The following RRAGB variants were observed in gnomAD, a reference collection of about 807,000 sequenced individuals.
RRAGB encodes the protein Ras related GTP binding B, also known as ras-related GTP-binding protein B.
Under a neutral mutation model 29.3 loss-of-function variants are expected in RRAGB, and 6 were observed. The observed-to-expected ratio is 0.21, with a 90% CI of 0.11 to 0.40. RRAGB has a LOEUF of 0.40. Among genes scored for constraint, RRAGB ranks in the 10% least tolerant of loss-of-function variants. The pLI, the probability that RRAGB is intolerant of heterozygous loss-of-function variation, is 1.00. For missense variants in RRAGB, 184 were observed against 272.9 expected, an observed-to-expected ratio of 0.67 and a Z score of 2.29; for synonymous variants, 101 against 92.5, an observed-to-expected ratio of 1.09 and a Z score of -0.53.
chrX:55,728,100 G>A (rs1053988364), intron 3 of RRAGB, among the ~76,000 whole-genome samples: 1 of 111,487 alleles, frequency 9.0e-6, no homozygotes, highest in Admixed American at 9.5e-5. Context: ...GTCGCAAACA[G>A]GCAGCCTATA....
chrX:55,732,115 G>A (rs780269042), intron 5 of RRAGB, among the ~76,000 whole-genome samples: 1 of 112,415 alleles, frequency 8.9e-6, no homozygotes, highest in African/African-American at 3.2e-5. Flanking sequence ...TAGCGGTGAT[G>A]TCACCAAGAT....
chrX:55,729,261 A>G (rs192324793), intron 3 of RRAGB, 33 bp from the exon 4 acceptor site: 2 of 1,046,066 alleles, frequency 1.9e-6, no homozygotes, highest in East Asian at 3.0e-5. Context: ...TTCACCTGTT[A>G]TAATTACTAG....
intron 5 of RRAGB, among the ~76,000 whole-genome samples, chrX:55,735,374 A>C (rs1452654955): frequency 8.9e-6 from 1 of 112,095 alleles, no homozygotes; most frequent in African/African-American, 3.2e-5. Flanking sequence ...TTATATAATG[A>C]CATTTTTTGT....
intron 4 of RRAGB, among the ~76,000 whole-genome samples, chrX:55,730,163 A>G (rs776266871): frequency 3.6e-5 from 4 of 112,402 alleles, no homozygotes; most frequent in Non-Finnish European, 5.6e-5. Context: ...AGCTCAGTGT[A>G]TCTCGCTCTT....
rs2034704382 is a variant in RRAGB, at chrX:55,758,162, C to G, written c.944-84C>G. 6.8e-6 allele frequency: 4 copies of G among 588,370 alleles called. No individual in the cohort carries two copies. In the East Asian group the frequency reaches 1.5e-4, roughly 21 times the overall value. 48.5% of individuals were successfully genotyped at this position (588,370 alleles called of 1,213,427 possible). A position where few individuals can be genotyped will look rare whatever the true frequency, so the allele number is the denominator to read the frequency against. ...GACATACATTGAGGGATTTGGCTCTCTTTTGTTTATTTGTTTTACTAGTCA... is the reference window on the plus strand; with the variant it reads ...GACATACATTGAGGGATTTGGCTCTGTTTTGTTTATTTGTTTTACTAGTCA... On this transcript the variant is annotated intron_variant, in intron 9 of 9. Transcript: ENST00000374941.
chrX:55,740,234 A>G (rs1418064539), intron 5 of RRAGB, among the ~76,000 whole-genome samples: 1 of 110,899 alleles, frequency 9.0e-6, no homozygotes, highest in Non-Finnish European at 1.9e-5. Flanking sequence ...GAGGCAGGAG[A>G]ATGGCGTGAA....
intron 5 of RRAGB, among the ~76,000 whole-genome samples, chrX:55,746,465 G>A (rs1028287755): frequency 1.8e-5 from 2 of 111,466 alleles, no homozygotes; most frequent in African/African-American, 6.5e-5. Context: ...TACTCCCGTC[G>A]CATTTAGGTT....
At chrX:55,732,455 C>G (rs759057382) in intron 5 of RRAGB, among the ~76,000 whole-genome samples, 2 of 111,970 alleles carry the variant, frequency 1.8e-5, no homozygotes, top group Admixed American at 1.9e-4. Flanking sequence ...AATACAGTTT[C>G]TCTTTGAGTT....
intron 3 of RRAGB, among the ~76,000 whole-genome samples, chrX:55,724,144 G>A (rs2033395071): frequency 8.9e-6 from 1 of 111,745 alleles, no homozygotes; most frequent in Admixed American, 9.4e-5. Context: ...CTTTCAAATA[G>A]TTCAAATTCC....
intron 7 of RRAGB, chrX:55,755,422 G>T: frequency 4.0e-6 from 3 of 746,533 alleles, no homozygotes; most frequent in Non-Finnish European, 4.7e-6. Context: ...AAGCTATTTG[G>T]TTAGCTTGGC....
chrX:55,749,517 A>G, intron 5 of RRAGB, among the ~76,000 whole-genome samples: 3 of 110,413 alleles, frequency 2.7e-5, no homozygotes, highest in African/African-American at 9.9e-5. Context: ...CCCGGCCACC[A>G]CCCCATCTGG....
chrX:55,734,401 C>T (rs1473307461), intron 5 of RRAGB, among the ~76,000 whole-genome samples: 13 of 109,071 alleles, frequency 1.2e-4, no homozygotes, highest in African/African-American at 4.0e-4. Context: ...AGATTTTGTA[C>T]TTTGAGTGCA....
intron 5 of RRAGB, among the ~76,000 whole-genome samples, chrX:55,733,931 GTTT>G (rs144020341): frequency 2.0e-5 from 2 of 100,176 alleles, no homozygotes; most frequent in Non-Finnish European, 4.0e-5. Flanking sequence ...TGGTCCTGGG[GTTT>G]TTTTTTTTGG....
chrX:55,731,789 C>A, intron 5 of RRAGB: 1 of 382,980 alleles, frequency 2.6e-6, no homozygotes, highest in Non-Finnish European at 4.5e-6. Flanking sequence ...AAATAATTTT[C>A]AGAATTAGGC....
intron 1 of RRAGB, 149 bp downstream of exon 1, chrX:55,718,568 GGA>G: frequency 2.4e-6 from 1 of 411,513 alleles, no homozygotes. Context: ...TTGGACGACA[GGA>G]TAAACTGGAA....
At chrX:55,748,166 A>T (rs997560927) in intron 5 of RRAGB, among the ~76,000 whole-genome samples, 2 of 112,466 alleles carry the variant, frequency 1.8e-5, no homozygotes, top group African/African-American at 6.5e-5. Flanking sequence ...TCGTTCACTC[A>T]ATGCTCAATG....
At chrX:55,723,957 C>G (rs926025161) in intron 3 of RRAGB, among the ~76,000 whole-genome samples, 11 of 112,045 alleles carry the variant, frequency 9.8e-5, no homozygotes, top group East Asian at 2.8e-4. Flanking sequence ...GGGACTTGTT[C>G]AAACTTGTTT....
At chrX:55,745,167 A>G (rs1356586471) in intron 5 of RRAGB, among the ~76,000 whole-genome samples, 4 of 112,433 alleles carry the variant, frequency 3.6e-5, no homozygotes, top group African/African-American at 1.3e-4. Flanking sequence ...CTCGCTCATT[A>G]GGTCCAATCA....
At position 55,758,388 on chromosome X, in the gene RRAGB, T is replaced by C; in HGVS notation, c.*45T>C. On this transcript the variant is annotated 3_prime_UTR_variant, in exon 10 of 10. Transcript: ENST00000374941. ...CACACAAAAATTAAAAGTTTCCTAA[T>C]TAATGTTGTATTCATATATGTAGGC... is the stretch of plus-strand genomic sequence containing the variant. 1 of 926,209 alleles carries C rather than the reference T, an allele frequency of 1.1e-6. No homozygotes were observed. Among genetic ancestry groups the C allele is most frequent in the Non-Finnish European group, 1.5e-6 (1 of 652,810 alleles). The allele number at this position is 926,209 out of a possible 1,213,427, so 76.3% of individuals were successfully genotyped here.
Sources: gnomAD v4.1 joint callset for allele counts (sites outside exome capture counted in the v4.1 genomes callset) on GRCh38, gnomAD v4.1.1 for gene constraint, MANE v1.5 for transcripts, NCBI Gene and HGNC (gene_info 2026-07-23, HGNC 2026-07-21) for gene names.